LARP1: variants seen among roughly 807,000 people sequenced by gnomAD.
The protein encoded by LARP1 is la-related protein 1.
LARP1 carries 36 observed loss-of-function variants against 122.7 expected under a neutral mutation model. The ratio of observed to expected loss-of-function variants is 0.29; its 90% CI spans 0.22 to 0.39. The LOEUF (loss-of-function observed/expected upper bound fraction) is 0.39, where lower values mean the gene tolerates loss of function less well. Ranked by LOEUF, LARP1 falls within the 10% of genes least tolerant of loss-of-function variation. The pLI, the probability that LARP1 is intolerant of heterozygous loss-of-function variation, is 1.00. For missense variants in LARP1, 1,040 were observed against 1,403.6 expected (o/e 0.74, Z 4.14); for synonymous variants, 539 against 528.7 (o/e 1.02, Z -0.27).
intron 1 of LARP1, chr5:154,786,781 A>G (rs914059876): frequency 1.1e-5 from 2 of 181,046 alleles, no homozygotes; most frequent in Admixed American, 5.7e-5. Context: ...CTGGCTCTGC[A>G]GCTAGTCTTG....
At chr5:154,813,818 G>A in intron 18 of LARP1, 69 bp from the exon 19 acceptor site, 1 of 1,318,546 alleles carries the variant, frequency 7.6e-7, no homozygotes, top group Non-Finnish European at 1.1e-6. Context: ...GAAGTGTCTA[G>A]ACGGGCCTGG....
At chr5:154,694,861 A>G (rs953163560) in intron 1 of LARP1, among the ~76,000 whole-genome samples, 130 of 151,906 alleles carry the variant, frequency 8.6e-4, no homozygotes, top group African/African-American at 3.1e-3. Flanking sequence ...TATTTTTCTG[A>G]TATTTTCAAA....
rs149470932 is a variant in LARP1 at position 154,717,835 on chromosome 5, T to C, written c.205+4705T>C. Among the ~76,000 whole-genome samples, 1,500 of 152,290 alleles carry C rather than the reference T, an allele frequency of 9.8e-3. 8 individuals carry two copies. Among genetic ancestry groups the C allele is most frequent in the Non-Finnish European group, 0.016 (1,115 of 68,014 alleles). On this transcript the variant is annotated intron_variant, in intron 1 of 18. Transcript: ENST00000336314. ...TTTTTGCTACATGAGAGAAAATGTGTAGCCCAGGTGAGAATGTTCTCTCTT... is the reference window on the plus strand; with the variant it reads ...TTTTTGCTACATGAGAGAAAATGTGCAGCCCAGGTGAGAATGTTCTCTCTT...
rs1295620163 is a variant in LARP1 at position 154,793,920 on chromosome 5, CTGG to C, written c.993_995del (p.Gly332del). The C allele has an allele frequency of 1.2e-6, 2 of 1,613,976 alleles. No individual in the cohort carries two copies. The highest frequency in any genetic ancestry group is 2.7e-5 in the African/African-American group (2 of 74,938). ...ACATCGAGTGTGAAGAGTGATGGGG[CTGG>C]TGGGGCGCGGGCTTCCTTCCGTGGC... On this transcript the variant is annotated inframe_deletion, in exon 6 of 19. Coordinates refer to ENST00000518297, the MANE Select transcript of LARP1 (RefSeq NM_033551.3).
intron 1 of LARP1, among the ~76,000 whole-genome samples, 177 bp from the exon 2 acceptor site, chr5:154,790,145 TGGG>T (rs1263310633): frequency 1.2e-4 from 18 of 152,100 alleles, no homozygotes; most frequent in Non-Finnish European, 2.5e-4. Context: ...TCTTCAGGAG[TGGG>T]CTGGTAAAAT....
intron 1 of LARP1, among the ~76,000 whole-genome samples, chr5:154,757,502 G>A (rs1468607443): frequency 6.6e-6 from 1 of 151,912 alleles, no homozygotes; most frequent in East Asian, 1.9e-4. Flanking sequence ...TTTTAAAATT[G>A]TCTTGCAGTT....
chr5:154,802,079 A>C lies in LARP1; in HGVS notation c.1789A>C (p.Lys597Gln), dbSNP rs1296503985. ...QQLPSQQLMS[K>Q]DQDEQEELDF... Reference sequence around the variant, plus strand: ...GCTGCCTTCCCAGCAGCTGATGTCCAAGGATCAGGATGAGCAAGAGGAACT... The same window carrying C: ...GCTGCCTTCCCAGCAGCTGATGTCCCAGGATCAGGATGAGCAAGAGGAACT... The change falls in exon 11 of 19, where the codon AAG becomes CAG. Residue 597 changes from lysine to glutamine, a missense_variant. By Grantham distance (53) the Lys-to-Gln change is moderately conservative (BLOSUM62 1). This residue lies in a region of LARP1 where 362 missense variants were observed against 533.1 expected (regional missense o/e 0.68). Transcript: ENST00000518297. The surrounding 1 kb of genome is among the most constrained non-coding windows in gnomAD (Gnocchi z 5.1). 2.5e-6 allele frequency: 4 copies of C among 1,614,046 alleles called. No homozygotes were observed. The African/African-American group carries it at 5.3e-5, about 22-fold the overall frequency.
intron 8 of LARP1, among the ~76,000 whole-genome samples, chr5:154,798,034 T>C (rs141633098): frequency 2.0e-3 from 301 of 152,362 alleles, no homozygotes; most frequent in African/African-American, 6.7e-3. Context: ...TTTCCACTTA[T>C]ACAGTATCTT....
At chr5:154,719,587 C>T (rs1403808147) in intron 1 of LARP1, among the ~76,000 whole-genome samples, 1 of 152,120 alleles carries the variant, frequency 6.6e-6, no homozygotes, top group African/African-American at 2.4e-5. Flanking sequence ...TGTAGCCAGG[C>T]GTGGTGGCTC....
chr5:154,752,590 G>A (rs577797534), upstream of LARP1, among the ~76,000 whole-genome samples: 1 of 152,176 alleles, frequency 6.6e-6, no homozygotes, highest in Admixed American at 6.5e-5. Flanking sequence ...GCAAAACAAG[G>A]AGAATGAGTA....
chr5:154,795,686 C>T (rs1478107893), intron 8 of LARP1, among the ~76,000 whole-genome samples: 1 of 150,744 alleles, frequency 6.6e-6, no homozygotes, highest in Non-Finnish European at 1.5e-5. Context: ...GTATAGATTT[C>T]TAAAAGATAG....
Position 154,813,822 on chromosome 5 carries a change from G to A in LARP1, c.3082-65G>A, listed in dbSNP as rs1417896255. On this transcript the variant is annotated intron_variant, in intron 18 of 18. Transcript: ENST00000518297. ...GTAGAAAGTAGGAAGTGTCTAGACG[G>A]GCCTGGCAAGGAAGAGGGCGTAGAT... The A allele has an allele frequency of 2.2e-6, 3 of 1,355,682 alleles. No homozygotes were observed. In the African/African-American group the frequency reaches 4.3e-5, roughly 19 times the overall value. 84.0% of individuals were successfully genotyped at this position (1,355,682 alleles called of 1,614,324 possible).
intron 1 of LARP1, among the ~76,000 whole-genome samples, chr5:154,744,617 T>TA (rs1491525764): frequency 3.3e-5 from 1 of 30,718 alleles, no homozygotes; most frequent in African/African-American, 2.5e-4. Flanking sequence ...GGATATGCAA[T>TA]TTTTTTTTTT....
intron 1 of LARP1, among the ~76,000 whole-genome samples, chr5:154,744,190 CTGCCCTAT>C (rs1753057810): frequency 6.6e-6 from 1 of 152,180 alleles, no homozygotes; most frequent in African/African-American, 2.4e-5. Flanking sequence ...CTAAAACAAT[CTGCCCTAT>C]CTCCTGCCCT....
rs1176525909 is a variant in LARP1 at position 154,755,661 on chromosome 5, C to G, written c.-97C>G. ...CTCTGCAGGGACTGGGGCCCAGCGCCCCGGAGGAAGGCGTCGCGGGCGCTC... is the reference window on the plus strand; with the variant it reads ...CTCTGCAGGGACTGGGGCCCAGCGCGCCGGAGGAAGGCGTCGCGGGCGCTC... On this transcript the variant is annotated 5_prime_UTR_variant, in exon 1 of 19. Transcript: ENST00000518297. 1 of 987,680 alleles carries G rather than the reference C, an allele frequency of 1.0e-6. No homozygotes were observed. The highest frequency in any genetic ancestry group is 1.1e-4 in the East Asian group (1 of 8,736). 61.2% of individuals were successfully genotyped at this position (987,680 alleles called of 1,614,324 possible). A position where few individuals can be genotyped will look rare whatever the true frequency, so the allele number is the denominator to read the frequency against.
chr5:154,728,427 C>G (rs566764253), intron 1 of LARP1, among the ~76,000 whole-genome samples: 1 of 152,174 alleles, frequency 6.6e-6, no homozygotes, highest in Non-Finnish European at 1.5e-5. Context: ...CAATAGAGAT[C>G]AGTTGACATG....
Position 154,749,679 on chromosome 5 carries a change from T to C in LARP1, c.205+36549T>C, listed in dbSNP as rs758995112. 7.0e-4 allele frequency among the ~76,000 whole-genome samples: 106 copies of C among 152,234 alleles called. 1 individual carries two copies. Among genetic ancestry groups the C allele is most frequent in the Non-Finnish European group, 1.3e-3 (86 of 68,036 alleles). On this transcript the variant is annotated intron_variant, in intron 1 of 18. Coordinates refer to the LARP1 transcript ENST00000336314. ...ACTCCTCAGCTGGCACTGTTTTTTT[T>C]GGCCAAGGCCCCTCCCTTTGCTAAC...
intron 16 of LARP1, among the ~76,000 whole-genome samples, chr5:154,808,869 T>C (rs143515692): frequency 2.7e-3 from 418 of 152,342 alleles, no homozygotes; most frequent in African/African-American, 9.7e-3. Context: ...TATTAGAATC[T>C]TGTGGGTCCT....
Position 154,799,929 on chromosome 5 carries a change from G to A in LARP1, c.1603G>A (p.Val535Ile). ...CCCAGTGCCAACCAAAACAGAGGAG[G>A]TCAGCAACCTAAAGACACTACCCAA... Reference protein sequence around the residue: ...VTPVPTKTEEVSNLKTLPKGL... With the variant: ...VTPVPTKTEEISNLKTLPKGL... The change falls in exon 10 of 19, where the codon GTC becomes ATC. Residue 535 changes from valine to isoleucine, a missense_variant. By Grantham distance (29) the Val-to-Ile change is conservative. Transcript: ENST00000518297. The A allele has an allele frequency of 6.2e-7, 1 of 1,614,188 alleles. No individual in the cohort carries two copies. Among genetic ancestry groups the A allele is most frequent in the Non-Finnish European group, 8.5e-7 (1 of 1,180,020 alleles).
Sources: gnomAD v4.1 joint callset for allele counts (sites outside exome capture counted in the v4.1 genomes callset) on GRCh38, gnomAD v4.1.1 for gene constraint, gnomAD v4.1.1 regional missense constraint, Gnocchi (gnomAD v3.1) non-coding constraint, MANE v1.5 for transcripts, NCBI Gene and HGNC (gene_info 2026-07-23, HGNC 2026-07-21) for gene names.